The following CTNNA1 variants were observed in gnomAD, a reference collection of about 807,000 sequenced individuals.
The protein encoded by CTNNA1 is catenin alpha 1.
In CTNNA1, 37 loss-of-function variants were observed where a neutral mutation model predicts 98.4. The observed-to-expected ratio is 0.38, with a 90% CI of 0.29 to 0.49. The LOEUF (loss-of-function observed/expected upper bound fraction) is 0.49, where lower values mean the gene tolerates loss of function less well. Ranked by LOEUF, CTNNA1 falls within the 20% of genes least tolerant of loss-of-function variation. The pLI, the probability that CTNNA1 is intolerant of heterozygous loss-of-function variation, is 0.95. For missense variants in CTNNA1, 761 were observed against 1,147.2 expected (o/e 0.66, Z 4.86); for synonymous variants, 404 against 413.2 (o/e 0.98, Z 0.27).
At chr5:138,795,071 A>G (rs1756790751) in intron 3 of CTNNA1, among the ~76,000 whole-genome samples, 1 of 148,782 alleles carries the variant, frequency 6.7e-6, no homozygotes, top group Admixed American at 6.9e-5. Flanking sequence ...AATCACTTGA[A>G]CTCGGGAGGT....
At chr5:138,809,141 T>C (rs558338458) in intron 3 of CTNNA1, among the ~76,000 whole-genome samples, 1 of 152,304 alleles carries the variant, frequency 6.6e-6, no homozygotes, top group Non-Finnish European at 1.5e-5. Context: ...TAAGCCACCA[T>C]GCCCAGCCTA....
At chr5:138,780,516 A>T (rs894289018) in intron 1 of CTNNA1, among the ~76,000 whole-genome samples, 6 of 148,134 alleles carry the variant, frequency 4.1e-5, no homozygotes, top group African/African-American at 7.5e-5. Flanking sequence ...TTTAATTTTT[A>T]TTATTATTAT....
At chr5:138,887,983 C>T (rs73263494) in intron 9 of CTNNA1, among the ~76,000 whole-genome samples, 102 of 152,332 alleles carry the variant, frequency 6.7e-4, no homozygotes, top group African/African-American at 2.3e-3. Flanking sequence ...ACTGCCTGCG[C>T]TTGCATCCTG....
intron 11 of CTNNA1, among the ~76,000 whole-genome samples, chr5:138,919,226 TTC>T (rs1252628072): frequency 6.6e-6 from 1 of 152,248 alleles, no homozygotes; most frequent in Non-Finnish European, 1.5e-5. Flanking sequence ...TACTGAATTA[TTC>T]TTTTTCATTG....
rs1186222841 is a variant in CTNNA1 at position 138,783,269 on chromosome 5, A to G, written c.198A>G (p.Glu66=). Residue 66 remains glutamate, a synonymous_variant, in exon 3 of 18, where the codon GAA becomes GAG. Transcript: ENST00000302763. ...CCCATGTTTTGGCTGCATCTGTTGAACAAGCAACTGAGAATTTCTTGGAGA... is the reference window on the plus strand; with the variant it reads ...CCCATGTTTTGGCTGCATCTGTTGAGCAAGCAACTGAGAATTTCTTGGAGA... The part of the protein sequence containing the change: ...KKAHVLAASV[E]QATENFLEKG... The G allele has an allele frequency of 1.2e-6, 2 of 1,614,150 alleles. No homozygotes were observed. The highest frequency in any genetic ancestry group is 1.7e-6 in the Non-Finnish European group (2 of 1,180,004).
At chr5:138,811,227 A>G (rs1758724546) in intron 4 of CTNNA1, among the ~76,000 whole-genome samples, 1 of 133,758 alleles carries the variant, frequency 7.5e-6, no homozygotes, top group African/African-American at 2.8e-5. Context: ...GACGCTCCTC[A>G]CCTCCCAGAT....
At chr5:138,830,385 A>G (rs1201984444) in intron 7 of CTNNA1, among the ~76,000 whole-genome samples, 2 of 152,318 alleles carry the variant, frequency 1.3e-5, no homozygotes, top group East Asian at 3.9e-4. Flanking sequence ...CACAAAAGAA[A>G]GAAATCTTCT....
intron 1 of CTNNA1, among the ~76,000 whole-genome samples, chr5:138,767,737 A>G (rs1290262053): frequency 6.6e-6 from 1 of 152,126 alleles, no homozygotes; most frequent in African/African-American, 2.4e-5. Flanking sequence ...GATAGAAACT[A>G]TTTCAGAGTC....
intron 1 of CTNNA1, among the ~76,000 whole-genome samples, chr5:138,779,002 A>C (rs1348015634): frequency 6.6e-6 from 1 of 151,894 alleles, no homozygotes; most frequent in Non-Finnish European, 1.5e-5. Flanking sequence ...GCTCAGCCTC[A>C]TGAGTAGCTG....
At chr5:138,769,480 C>T (rs1281802428) in intron 1 of CTNNA1, among the ~76,000 whole-genome samples, 1 of 151,862 alleles carries the variant, frequency 6.6e-6, no homozygotes, top group Non-Finnish European at 1.5e-5. Context: ...CCTCCGCCTC[C>T]TGGATTCAAG....
At chr5:138,762,247 C>T (rs700620) in intron 1 of CTNNA1, 99,120 of 151,988 alleles carry the variant, frequency 0.65, 33,053 homozygotes, top group East Asian at 0.93. Flanking sequence ...ATTACATGTA[C>T]TGCTTGGTGA....
At chr5:138,818,434 T>G (rs1354758129) in intron 5 of CTNNA1, among the ~76,000 whole-genome samples, 1 of 152,186 alleles carries the variant, frequency 6.6e-6, no homozygotes, top group African/African-American at 2.4e-5. Context: ...CTCATGTTTC[T>G]TATGTCCCTG....
chr5:138,815,013 A>G (rs1018388902), intron 5 of CTNNA1, among the ~76,000 whole-genome samples: 2 of 152,150 alleles, frequency 1.3e-5, no homozygotes, highest in Non-Finnish European at 1.5e-5. Context: ...CGGTCTCCCA[A>G]AGTGCTGGGA....
chr5:138,777,733 C>G (rs1284574792), intron 1 of CTNNA1, among the ~76,000 whole-genome samples: 2 of 151,260 alleles, frequency 1.3e-5, no homozygotes, highest in Non-Finnish European at 2.9e-5. Flanking sequence ...CGGTGCGCGC[C>G]TGCAATCACA....
At chr5:138,913,559 G>C (rs555849437) in intron 10 of CTNNA1, among the ~76,000 whole-genome samples, 1 of 150,374 alleles carries the variant, frequency 6.7e-6, no homozygotes, top group South Asian at 2.1e-4. Flanking sequence ...ACTCCAGCCT[G>C]GGCGATAGAG....
intron 10 of CTNNA1, among the ~76,000 whole-genome samples, chr5:138,908,826 TTCTC>T (rs1296273358): frequency 1.3e-5 from 2 of 152,016 alleles, no homozygotes; most frequent in East Asian, 1.9e-4. Flanking sequence ...GATGGCTACT[TTCTC>T]TCACTCTTTT....
intron 1 of CTNNA1, chr5:138,761,971 G>A (rs1305839528): frequency 6.6e-6 from 1 of 152,158 alleles, no homozygotes; most frequent in Non-Finnish European, 1.5e-5. Context: ...TCCCAGGCTG[G>A]TCTCAAACTC....
At chr5:138,830,903 T>A (rs1266020888) in intron 7 of CTNNA1, among the ~76,000 whole-genome samples, 1 of 152,208 alleles carries the variant, frequency 6.6e-6, no homozygotes, top group Non-Finnish European at 1.5e-5. Context: ...CAGGAGGCTT[T>A]CTCTTCTAGA....
chr5:138,808,027 AGGT>A (rs1758280601), intron 3 of CTNNA1, among the ~76,000 whole-genome samples: 1 of 152,204 alleles, frequency 6.6e-6, no homozygotes. Flanking sequence ...CTGGGATTAC[AGGT>A]GTGAACTACC....
Sources: gnomAD v4.1 joint callset for allele counts (sites outside exome capture counted in the v4.1 genomes callset) on GRCh38, gnomAD v4.1.1 for gene constraint, MANE v1.5 for transcripts, NCBI Gene and HGNC (gene_info 2026-07-23, HGNC 2026-07-21) for gene names.